Variants in E2F4 observed in about 807,000 individuals in gnomAD.
The protein encoded by E2F4 is E2F transcription factor 4.
E2F4 carries 16 observed loss-of-function variants against 44.5 expected under a neutral mutation model. The ratio of observed to expected loss-of-function variants is 0.36; its 90% CI spans 0.24 to 0.55. E2F4 has a LOEUF of 0.55. Ranked by LOEUF, E2F4 falls within the 20% of genes least tolerant of loss-of-function variation. The pLI is 0.87. For missense variants in E2F4, 473 were observed against 522.1 expected (o/e 0.91, Z 0.92); for synonymous variants, 242 against 207.2 (o/e 1.17, Z -1.44).
At chr16:67,193,631 C>CA in intron 4 of E2F4, 116 bp downstream of exon 4, 1 of 1,127,946 alleles carries the variant, frequency 8.9e-7, no homozygotes, top group South Asian at 1.3e-5. Context: ...GGGGCCTGCT[C>CA]AGAGAGGAAC....
rs956279824 is a variant in E2F4 at position 67,198,417 on chromosome 16, C to A, written c.*294C>A. ...CGGCTGCCACCCAGTGGCACAGAAC[C>A]GAGGAGCTGCCATTACCCCCCATAG... On this transcript the variant is annotated 3_prime_UTR_variant, in exon 10 of 10. Transcript: ENST00000379378. The A allele has an allele frequency of 2.5e-6, 1 of 402,416 alleles. No homozygotes were observed. Among genetic ancestry groups the A allele is most frequent in the South Asian group, 2.7e-5 (1 of 37,022 alleles). The allele number at this position is 402,416 out of a possible 1,614,324, so 24.9% of individuals were successfully genotyped here. A position where few individuals can be genotyped will look rare whatever the true frequency, so the allele number is the denominator to read the frequency against.
Position 67,195,578 on chromosome 16 carries a change from G to A in E2F4, c.809-204G>A, listed in dbSNP as rs551227451. On this transcript the variant is annotated intron_variant, in intron 6 of 9. Transcript: ENST00000379378. ...TGGCCACAGCAGACATGTTGACCAC[G>A]AGTCTTCTTCTGTAGGTCTTGTGTC... 408 of 1,097,490 alleles carry A rather than the reference G, an allele frequency of 3.7e-4. 3 individuals carry two copies. In the African/African-American group the frequency reaches 5.8e-3, roughly 16 times the overall value. 68.0% of individuals were successfully genotyped at this position (1,097,490 alleles called of 1,614,324 possible). A position where few individuals can be genotyped will look rare whatever the true frequency, so the allele number is the denominator to read the frequency against.
chr16:67,192,781 A>T lies in E2F4; in HGVS notation c.156A>T (p.Val52=), dbSNP rs1459791266. 2 of 1,611,960 alleles carry T rather than the reference A, an allele frequency of 1.2e-6. No homozygotes were observed. The highest frequency in any genetic ancestry group is 2.7e-5 in the African/African-American group (2 of 75,038). Residue 52 remains valine (V), a synonymous_variant, in exon 2 of 10, where the codon GTA becomes GTT. Transcript: ENST00000379378. ...GCCAGGCAGCTGACACCCTAGCTGT[A>T]CGCCAGAAGCGGCGGATTTACGACA... ...DLKLAADTLA[V]RQKRRIYDIT...
intron 4 of E2F4, 34 bp from the exon 5 acceptor site, chr16:67,194,364 C>T (rs547662352): frequency 2.5e-6 from 4 of 1,611,818 alleles, no homozygotes; most frequent in African/African-American, 1.3e-5. Context: ...AGATTGAGCC[C>T]ATGGGCTCTG....
intron 3 of E2F4, 121 bp from the exon 4 acceptor site, chr16:67,193,351 C>G (rs1416334647): frequency 1.0e-5 from 15 of 1,498,218 alleles, no homozygotes; most frequent in African/African-American, 1.4e-5. Context: ...CCCGGTGGAC[C>G]TGAGTCCCCA....
intron 7 of E2F4, among the ~76,000 whole-genome samples, chr16:67,196,821 TCTCA>T (rs2142213912): frequency 6.6e-6 from 1 of 152,262 alleles, no homozygotes; most frequent in East Asian, 1.9e-4. Context: ...GACCCTTGGC[TCTCA>T]CTCTAGTTCT....
intron 4 of E2F4, chr16:67,194,124 T>A (rs2032930013): frequency 2.2e-6 from 1 of 457,152 alleles, no homozygotes; most frequent in Admixed American, 3.8e-5. Flanking sequence ...TAGAACACCC[T>A]CACCTAGGGA....
chr16:67,194,553 T>C, intron 5 of E2F4, 94 bp downstream of exon 5: 1 of 1,581,700 alleles, frequency 6.3e-7, no homozygotes, highest in East Asian at 2.3e-5. Context: ...GGGGGAGGCC[T>C]GGAGTTTGGG....
chr16:67,197,497 T>C, intron 7 of E2F4, 102 bp from the exon 8 acceptor site: 1 of 1,199,426 alleles, frequency 8.3e-7, no homozygotes, highest in East Asian at 2.4e-5. Context: ...CTTAGCTGTG[T>C]GGAGCCTCAG....
At chr16:67,197,191 T>A (rs962801143) in intron 7 of E2F4, among the ~76,000 whole-genome samples, 2 of 152,268 alleles carry the variant, frequency 1.3e-5, no homozygotes, top group East Asian at 3.9e-4. Context: ...AGGTTTGTAG[T>A]GGAGTCATCA....
chr16:67,193,004 C>T lies in E2F4; in HGVS notation c.246-5C>T, dbSNP rs762715981. 1.7e-5 allele frequency: 26 copies of T among 1,568,604 alleles called. No individual in the cohort carries two copies. In the South Asian group the frequency reaches 3.0e-4, roughly 18 times the overall value. Reference sequence around the variant, plus strand: ...GTCCCTCTCAGCCCCACTCCCTGGGCTCAGGGGTGTGGGGCCTGGCTGCAA... The same window carrying T: ...GTCCCTCTCAGCCCCACTCCCTGGGTTCAGGGGTGTGGGGCCTGGCTGCAA... On this transcript the variant is annotated splice_polypyrimidine_tract_variant and splice_region_variant and intron_variant, in intron 2 of 9. Transcript: ENST00000379378.
chr16:67,194,008 C>G (rs2032928603), intron 4 of E2F4: 1 of 242,962 alleles, frequency 4.1e-6, no homozygotes. Context: ...CCTCAACCCC[C>G]TAAAGTGCTG....
chr16:67,198,137 G>A lies in E2F4; in HGVS notation c.*14G>A. On this transcript the variant is annotated 3_prime_UTR_variant, in exon 10 of 10. Transcript: ENST00000379378. ...CTCAACCTCTGACTGACAGGGACATGCCCTGTGTGGCTGGGACCCAGACTG... is the reference window on the plus strand; with the variant it reads ...CTCAACCTCTGACTGACAGGGACATACCCTGTGTGGCTGGGACCCAGACTG... The A allele has an allele frequency of 1.9e-6, 3 of 1,602,022 alleles. No individual in the cohort carries two copies. Among genetic ancestry groups the A allele is most frequent in the Non-Finnish European group, 1.7e-6 (2 of 1,169,866 alleles).
In E2F4 at chr16:67,194,737, C is replaced by G. The variant is rs768489916; in HGVS notation, c.565C>G (p.Pro189Ala). The G allele has an allele frequency of 1.3e-5, 21 of 1,614,182 alleles. No individual in the cohort carries two copies. Among genetic ancestry groups the G allele is most frequent in the Non-Finnish European group, 1.7e-5 (20 of 1,180,024 alleles). Residue 189 changes from proline (P) to alanine (A), a missense_variant, in exon 6 of 10, where the codon CCC becomes GCC. Transcript: ENST00000379378. ...YQIHLKSVSG[P>A]IEVLLVNKEA... ...GATTCACCTGAAGAGTGTGAGTGGT[C>G]CCATTGAGGTTCTGCTGGTGAACAA... is the stretch of plus-strand genomic sequence containing the variant.
Position 67,198,002 on chromosome 16 carries a change from C to T in E2F4, c.1127-6C>T. 6.2e-7 allele frequency: 1 copy of T among 1,614,098 alleles called. No individual in the cohort carries two copies. Among genetic ancestry groups the T allele is most frequent in the Non-Finnish European group, 8.5e-7 (1 of 1,179,936 alleles). On this transcript the variant is annotated splice_polypyrimidine_tract_variant and splice_region_variant and intron_variant, in intron 9 of 9. Coordinates refer to ENST00000379378, the MANE Select transcript of E2F4 (RefSeq NM_001950.4). ...GCCCAGGGCCTGAGACTAGTGCTCT[C>T]TGCAGTGTTTGCCCCTCTGCTTCGT... is the stretch of plus-strand genomic sequence containing the variant.
chr16:67,193,312 C>A, intron 3 of E2F4, 142 bp downstream of exon 3: 5 of 1,485,066 alleles, frequency 3.4e-6, no homozygotes, highest in Non-Finnish European at 4.7e-6. Context: ...AGAGCCCCTC[C>A]CCTTCCACTC....
Position 67,198,733 on chromosome 16 carries a change from C to T in E2F4, c.*610C>T, listed in dbSNP as rs1001744347. 1.1e-5 allele frequency: 2 copies of T among 184,084 alleles called. No individual in the cohort carries two copies. Among genetic ancestry groups the T allele is most frequent in the African/African-American group, 4.8e-5 (2 of 41,954 alleles). The allele number at this position is 184,084 out of a possible 1,614,324, so 11.4% of individuals were successfully genotyped here. Reference sequence around the variant, plus strand: ...TGATGATTGGCCCCACCTCCTGCTGCCCCATAACCCTCTCTTCATTTCGGC... The same window carrying T: ...TGATGATTGGCCCCACCTCCTGCTGTCCCATAACCCTCTCTTCATTTCGGC... On this transcript the variant is annotated 3_prime_UTR_variant, in exon 10 of 10. Coordinates refer to ENST00000379378, the MANE Select transcript of E2F4 (RefSeq NM_001950.4).
intron 1 of E2F4, 114 bp from the exon 2 acceptor site, chr16:67,192,647 C>T (rs1178918073): frequency 1.9e-6 from 2 of 1,078,170 alleles, no homozygotes; most frequent in East Asian, 2.6e-5. Flanking sequence ...TGCAGTAGCG[C>T]CTGGGAGGCA....
intron 7 of E2F4, among the ~76,000 whole-genome samples, chr16:67,196,422 C>T (rs995563632): frequency 2.6e-5 from 4 of 152,218 alleles, no homozygotes; most frequent in Non-Finnish European, 5.9e-5. Flanking sequence ...CGAAGGCCTG[C>T]CGAGCCCAGC....
Sources: allele counts gnomAD v4.1 joint callset (sites outside exome capture counted in the v4.1 genomes callset), GRCh38; gene constraint gnomAD v4.1.1; transcripts MANE v1.5; gene names NCBI Gene and HGNC (gene_info 2026-07-23, HGNC 2026-07-21).